The following UTRN variants were observed in gnomAD, a reference collection of about 807,000 sequenced individuals.
UTRN encodes utrophin.
Under a neutral mutation model 463.9 loss-of-function variants are expected in UTRN, and 283 were observed. That is an observed-to-expected ratio of 0.61 (90% CI 0.55 to 0.67). The LOEUF is 0.67. Ranked by LOEUF, UTRN falls within the 30% of genes least tolerant of loss-of-function variation. The pLI, the probability that UTRN is intolerant of heterozygous loss-of-function variation, is 0.00. For synonymous variants in UTRN, 1,442 were observed against 1,431.5 expected, an observed-to-expected ratio of 1.01 and a Z score of -0.17; for missense variants, 3,922 against 4,084.3, an observed-to-expected ratio of 0.96 and a Z score of 1.08.
At chr6:144,480,645 T>G (rs1255141422) in intron 26 of UTRN, among the ~76,000 whole-genome samples, 1 of 152,196 alleles carries the variant, frequency 6.6e-6, no homozygotes, top group Non-Finnish European at 1.5e-5. Context: ...ACTCTCTTTT[T>G]ATATATAATA....
chr6:144,688,692 C>A (rs1353655010), intron 52 of UTRN, among the ~76,000 whole-genome samples: 1 of 151,220 alleles, frequency 6.6e-6, no homozygotes, highest in African/African-American at 2.4e-5. Context: ...CTCAGATACT[C>A]ATTGTAGTAG....
intron 34 of UTRN, among the ~76,000 whole-genome samples, chr6:144,502,162 A>T (rs1794252796): frequency 2.6e-5 from 4 of 151,684 alleles, no homozygotes; most frequent in Admixed American, 2.6e-4. Flanking sequence ...AACAAAATCC[A>T]TCTTTTTCTT....
intron 65 of UTRN, 98 bp from the exon 66 acceptor site, chr6:144,820,784 C>T: frequency 2.8e-6 from 4 of 1,429,596 alleles, no homozygotes; most frequent in Middle Eastern, 1.8e-4. Context: ...AAACTGTTGA[C>T]ATTTAATTGC....
intron 34 of UTRN, among the ~76,000 whole-genome samples, chr6:144,509,734 T>C (rs945049744): frequency 3.9e-5 from 6 of 152,186 alleles, no homozygotes; most frequent in Non-Finnish European, 8.8e-5. Flanking sequence ...TAAATAATAT[T>C]TTCATTTCTG....
intron 58 of UTRN, among the ~76,000 whole-genome samples, chr6:144,761,652 AAAT>A (rs1225396949): frequency 4.6e-5 from 7 of 151,846 alleles, no homozygotes; most frequent in Non-Finnish European, 1.0e-4. Flanking sequence ...TCTCCTTAAA[AAAT>A]AATAATAATA....
chr6:144,290,601 T>C (rs1293689693), intron 1 of UTRN, among the ~76,000 whole-genome samples: 1 of 152,108 alleles, frequency 6.6e-6, no homozygotes, highest in African/African-American at 2.4e-5. Flanking sequence ...TATGAAAAAA[T>C]TCTCAGACAT....
chr6:144,700,298 T>C (rs1261037446), intron 53 of UTRN, 55 bp downstream of exon 53: 5 of 1,511,460 alleles, frequency 3.3e-6, no homozygotes, highest in Non-Finnish European at 4.5e-6. Flanking sequence ...GAGGTAGATA[T>C]TTGAAATACA....
intron 2 of UTRN, among the ~76,000 whole-genome samples, chr6:144,347,372 A>G (rs1777675832): frequency 1.3e-5 from 2 of 152,174 alleles, no homozygotes; most frequent in Non-Finnish European, 1.5e-5. Flanking sequence ...CCCCCACTAG[A>G]CTGAAAGCTC....
chr6:144,377,811 T>A (rs748954346), intron 2 of UTRN, among the ~76,000 whole-genome samples: 2 of 152,208 alleles, frequency 1.3e-5, no homozygotes, highest in African/African-American at 2.4e-5. Flanking sequence ...CCCTTATTAG[T>A]ATTTCTTGGT....
intron 63 of UTRN, among the ~76,000 whole-genome samples, chr6:144,796,109 T>G (rs1777190500): frequency 6.6e-6 from 1 of 152,116 alleles, no homozygotes; most frequent in African/African-American, 2.4e-5. Flanking sequence ...AGGAAGGGGT[T>G]AAGTTTCAGT....
chr6:144,554,696 G>T lies in UTRN; in HGVS notation c.6937G>T (p.Val2313Phe), dbSNP rs1197978445. The change falls in exon 49 of 75, where the codon GTC (valine) becomes TTC (phenylalanine). Residue 2313 changes from valine (V) to phenylalanine (F), a missense_variant. By Grantham distance (50) the Val-to-Phe change is conservative. Transcript: ENST00000367545. ...TATAATGCTACCCTCAGTGGAAAGG[G>T]TCAAGAACCAGTGGGATGGCACCCA... ...RTAITEKLERVKNQWDGTQHG... is the reference protein window; with the variant it reads ...RTAITEKLERFKNQWDGTQHG... The T allele has an allele frequency of 6.2e-7, 1 of 1,613,924 alleles. No individual in the cohort carries two copies. Among genetic ancestry groups the T allele is most frequent in the Non-Finnish European group, 8.5e-7 (1 of 1,179,942 alleles).
intron 2 of UTRN, among the ~76,000 whole-genome samples, chr6:144,397,705 C>G (rs190571956): frequency 6.6e-6 from 1 of 152,152 alleles, no homozygotes; most frequent in African/African-American, 2.4e-5. Flanking sequence ...TCCTTCCCAT[C>G]TTTGCATGAA....
intron 60 of UTRN, among the ~76,000 whole-genome samples, chr6:144,775,860 G>GA (rs921257537): frequency 6.6e-6 from 1 of 152,040 alleles, no homozygotes; most frequent in African/African-American, 2.4e-5. Flanking sequence ...GATTCCTGAA[G>GA]AAAAAAACCC....
chr6:144,648,400 C>G (rs1393681720), intron 51 of UTRN, among the ~76,000 whole-genome samples: 1 of 152,058 alleles, frequency 6.6e-6, no homozygotes, highest in African/African-American at 2.4e-5. Flanking sequence ...TGAGATAAAC[C>G]CTGTTTTTGT....
intron 7 of UTRN, among the ~76,000 whole-genome samples, chr6:144,428,383 C>T (rs796452462): frequency 3.4e-5 from 5 of 148,078 alleles, no homozygotes; most frequent in Non-Finnish European, 5.9e-5. Flanking sequence ...TCATTTTTAC[C>T]GCATAGTGTG....
Position 144,533,260 on chromosome 6 carries a change from G to A in UTRN, c.6233G>A (p.Arg2078Lys). The change falls in exon 43 of 75, where the codon AGG (arginine) becomes AAG (lysine). Residue 2078 changes from arginine (R) to lysine (K), a missense_variant and splice_region_variant. By Grantham distance (26) the Arg-to-Lys change is conservative. This residue lies in a region of UTRN where 2,349 missense variants were observed against 2,303.8 expected (regional missense o/e 1.02). Coordinates refer to ENST00000367545, the MANE Select transcript of UTRN (RefSeq NM_007124.3). ...GCAGAAGTGAAGGATAGGCAGCCAAGGTGATTTAGCTATGATTGTTTGCAG... is the reference window on the plus strand; with the variant it reads ...GCAGAAGTGAAGGATAGGCAGCCAAAGTGATTTAGCTATGATTGTTTGCAG... ...IVAEVKDRQP[R>K]LKGESKQVMK... 1.9e-6 allele frequency: 3 copies of A among 1,613,822 alleles called. No homozygotes were observed. The highest frequency in any genetic ancestry group is 2.5e-6 in the Non-Finnish European group (3 of 1,179,834).
intron 41 of UTRN, among the ~76,000 whole-genome samples, chr6:144,526,334 A>T (rs1367147148): frequency 6.6e-6 from 1 of 152,148 alleles, no homozygotes; most frequent in African/African-American, 2.4e-5. Context: ...TCTTAGGTCT[A>T]GTAGTAATTG....
chr6:144,755,767 G>A, intron 57 of UTRN, among the ~76,000 whole-genome samples: 1 of 151,626 alleles, frequency 6.6e-6, no homozygotes, highest in Non-Finnish European at 1.5e-5. Context: ...CAGTTTTTTT[G>A]CAACTATAAC....
chr6:144,444,056 AG>A (rs1264029188), intron 13 of UTRN, among the ~76,000 whole-genome samples: 2 of 152,206 alleles, frequency 1.3e-5, no homozygotes, highest in African/African-American at 4.8e-5. Context: ...CTATTATGTT[AG>A]TTTCTAGCTA....
Sources: allele counts gnomAD v4.1 joint callset (sites outside exome capture counted in the v4.1 genomes callset), GRCh38; gene constraint gnomAD v4.1.1; regional missense constraint gnomAD v4.1.1; transcripts MANE v1.5; gene names NCBI Gene and HGNC (gene_info 2026-07-23, HGNC 2026-07-21).